Variants in FANCC observed in about 807,000 individuals in gnomAD.
The protein encoded by FANCC is Fanconi anemia group C protein.
In FANCC, 55 loss-of-function variants were observed where a neutral mutation model predicts 71.3. The observed-to-expected ratio is 0.77, with a 90% CI of 0.62 to 0.97. The LOEUF is 0.97. Ranked by LOEUF, FANCC falls within the 50% of genes least tolerant of loss-of-function variation. The probability of loss-of-function intolerance (pLI) is 0.00; values close to 1 mark genes in which losing one functional copy is unlikely to be tolerated. For missense variants in FANCC, 678 were observed against 670.9 expected (o/e 1.01, Z -0.12); for synonymous variants, 275 against 244.9 (o/e 1.12, Z -1.15).
At chr9:95,159,226 C>G (rs1830610283) in intron 6 of FANCC, among the ~76,000 whole-genome samples, 1 of 152,166 alleles carries the variant, frequency 6.6e-6, no homozygotes, top group Admixed American at 6.5e-5. Context: ...TGTTCCCCAC[C>G]CTGTGTCCAA....
chr9:95,102,638 G>A (rs2071149173), intron 14 of FANCC, among the ~76,000 whole-genome samples: 1 of 152,212 alleles, frequency 6.6e-6, no homozygotes, highest in Admixed American at 6.5e-5. Context: ...GCTTCCTCTG[G>A]AAGGGTTGGG....
intron 4 of FANCC, among the ~76,000 whole-genome samples, chr9:95,181,847 G>A (rs1826391343): frequency 6.6e-6 from 1 of 152,254 alleles, no homozygotes; most frequent in Non-Finnish European, 1.5e-5. Flanking sequence ...CTTAGATCAT[G>A]CGAGTGAACT....
chr9:95,294,600 A>G, intron 1 of FANCC: 1 of 1,555,250 alleles, frequency 6.4e-7, no homozygotes. Flanking sequence ...TACCTGCTCT[A>G]GAAAGCAAAG....
At chr9:95,276,525 C>T (rs1332978832) in intron 1 of FANCC, among the ~76,000 whole-genome samples, 1 of 152,154 alleles carries the variant, frequency 6.6e-6, no homozygotes, top group African/African-American at 2.4e-5. Flanking sequence ...TATACCTAAC[C>T]TAAGGCTTCA....
intron 4 of FANCC, among the ~76,000 whole-genome samples, chr9:95,196,104 A>C (rs1332920027): frequency 6.6e-6 from 1 of 152,000 alleles, no homozygotes; most frequent in Non-Finnish European, 1.5e-5. Flanking sequence ...CAGGCCTTTT[A>C]TTTCTTTTTC....
intron 3 of FANCC, among the ~76,000 whole-genome samples, chr9:95,241,709 G>A (rs187117820): frequency 2.5e-4 from 38 of 152,250 alleles, no homozygotes; most frequent in Admixed American, 5.9e-4. Context: ...ACCCAGGCTG[G>A]AGTGCAGTGG....
chr9:95,195,928 T>A (rs1030999052), intron 4 of FANCC, among the ~76,000 whole-genome samples: 3 of 152,202 alleles, frequency 2.0e-5, no homozygotes, highest in Admixed American at 2.0e-4. Flanking sequence ...TATACGGAGA[T>A]GGAGTTGACT....
intron 14 of FANCC, among the ~76,000 whole-genome samples, chr9:95,102,287 G>C (rs2071122835): frequency 6.6e-6 from 1 of 152,214 alleles, no homozygotes; most frequent in Non-Finnish European, 1.5e-5. Context: ...TGTTTTCACA[G>C]AAACAGCCCC....
intron 7 of FANCC, among the ~76,000 whole-genome samples, chr9:95,145,714 G>A (rs917617163): frequency 2.6e-5 from 4 of 152,100 alleles, no homozygotes; most frequent in Non-Finnish European, 5.9e-5. Context: ...AGAACAGAAG[G>A]TAACAAAACA....
chr9:95,112,184 C>A (rs2071999350), intron 12 of FANCC, among the ~76,000 whole-genome samples: 1 of 152,210 alleles, frequency 6.6e-6, no homozygotes, highest in African/African-American at 2.4e-5. Flanking sequence ...ATGGGAGTTG[C>A]AATACTTGTT....
chr9:95,195,578 T>C (rs986009267), intron 4 of FANCC, among the ~76,000 whole-genome samples: 2 of 152,228 alleles, frequency 1.3e-5, no homozygotes, highest in Non-Finnish European at 2.9e-5. Flanking sequence ...TTGTCAAAAT[T>C]GTTATAGCTA....
intron 7 of FANCC, among the ~76,000 whole-genome samples, chr9:95,149,715 G>A (rs1830024050): frequency 6.6e-6 from 1 of 152,112 alleles, no homozygotes; most frequent in Non-Finnish European, 1.5e-5. Flanking sequence ...CTGACCTCAG[G>A]TGATCCACCC....
chr9:95,168,673 G>C (rs1319556423), intron 6 of FANCC, among the ~76,000 whole-genome samples: 2 of 152,214 alleles, frequency 1.3e-5, no homozygotes, highest in Non-Finnish European at 2.9e-5. Flanking sequence ...TGGGACTACA[G>C]GCATAAGCCA....
At chr9:95,170,962 A>T (rs1271634906) in intron 6 of FANCC, 117 bp downstream of exon 6, 3 of 779,236 alleles carry the variant, frequency 3.8e-6, no homozygotes, top group African/African-American at 3.5e-5. Flanking sequence ...TAATCTTTCT[A>T]TATAAAATAC....
In FANCC at chr9:95,126,426, T is replaced by C. The variant is rs4647513; in HGVS notation, c.896+103A>G. ...ACAGGAGGGAATCAGAAACTCTAAT[T>C]TCCCCATGATACAGCCAGAGACTAC... On this transcript the variant is annotated intron_variant, in intron 9 of 14. Coordinates refer to ENST00000289081, the MANE Select transcript of FANCC (RefSeq NM_000136.3). 6 of 1,147,044 alleles carry C rather than the reference T, an allele frequency of 5.2e-6. No individual in the cohort carries two copies. The African/African-American group carries it at 9.2e-5, about 18-fold the overall frequency. 71.1% of individuals were successfully genotyped at this position (1,147,044 alleles called of 1,614,324 possible).
At chr9:95,106,691 T>C (rs1384194702) in intron 14 of FANCC, among the ~76,000 whole-genome samples, 1 of 152,224 alleles carries the variant, frequency 6.6e-6, no homozygotes, top group African/African-American at 2.4e-5. Flanking sequence ...AGCATTGTGG[T>C]TGCTTTGCGA....
chr9:95,247,210 CGCGT>C (rs71498956), intron 3 of FANCC, among the ~76,000 whole-genome samples: 3 of 123,650 alleles, frequency 2.4e-5, no homozygotes, highest in South Asian at 2.7e-4. Context: ...GGTGCGTGCA[CGCGT>C]GTGTGTGTGT....
At chr9:95,103,506 G>A (rs978799861) in intron 14 of FANCC, among the ~76,000 whole-genome samples, 2 of 152,210 alleles carry the variant, frequency 1.3e-5, no homozygotes, top group Non-Finnish European at 2.9e-5. Context: ...GACAGGAGGT[G>A]GAGCCCCAGG....
At chr9:95,273,776 AC>A (rs1458365626) in intron 1 of FANCC, among the ~76,000 whole-genome samples, 3 of 152,156 alleles carry the variant, frequency 2.0e-5, no homozygotes, top group Non-Finnish European at 4.4e-5. Context: ...CAGCCAACAG[AC>A]CCTTTAGATA....
Sources: allele counts gnomAD v4.1 joint callset (sites outside exome capture counted in the v4.1 genomes callset), GRCh38; gene constraint gnomAD v4.1.1; transcripts MANE v1.5; gene names NCBI Gene and HGNC (gene_info 2026-07-23, HGNC 2026-07-21).